Variants in TUNAR observed in about 807,000 individuals in gnomAD.
The protein encoded by TUNAR is transmembrane neural differentiation associated intracellular calcium regulator.
intron 2 of TUNAR, among the ~76,000 whole-genome samples, chr14:95,893,574 C>A (rs113385780): frequency 6.6e-6 from 1 of 152,068 alleles, no homozygotes; most frequent in Non-Finnish European, 1.5e-5. Context: ...GGATCCCCCC[C>A]ACCCCACTCC....
At chr14:95,924,050 A>G (rs1243325885) in exon 3 of TUNAR, 3 of 152,226 alleles carry the variant, frequency 2.0e-5, no homozygotes, top group Non-Finnish European at 4.4e-5. Flanking sequence ...TCTTGTGACC[A>G]TTCGTTTATC....
intron 2 of TUNAR, among the ~76,000 whole-genome samples, chr14:95,880,810 G>A (rs1158636173): frequency 6.6e-6 from 1 of 152,162 alleles, no homozygotes; most frequent in Non-Finnish European, 1.5e-5. Flanking sequence ...CAGGCTCCCT[G>A]GTGAAGCTGC....
intron 2 of TUNAR, among the ~76,000 whole-genome samples, chr14:95,907,307 A>G (rs1262424776): frequency 6.6e-6 from 1 of 152,230 alleles, no homozygotes; most frequent in East Asian, 1.9e-4. Context: ...TTCAGGGTAG[A>G]GTCCAAGAAA....
At chr14:95,896,425 G>A (rs886425073) in intron 2 of TUNAR, among the ~76,000 whole-genome samples, 2 of 152,188 alleles carry the variant, frequency 1.3e-5, no homozygotes, top group Non-Finnish European at 2.9e-5. Context: ...TGGCATCAAG[G>A]CTCACTGCAG....
chr14:95,922,739 T>G (rs1889717456), intron 2 of TUNAR, 42 bp from the exon 2 acceptor site: 1 of 398,422 alleles, frequency 2.5e-6, no homozygotes, highest in Non-Finnish European at 4.4e-6. Context: ...GAGGGCATGC[T>G]TATAAATGAT....
chr14:95,909,467 T>TACAA (rs1428579593), intron 2 of TUNAR, among the ~76,000 whole-genome samples: 1 of 152,072 alleles, frequency 6.6e-6, no homozygotes, highest in Admixed American at 6.5e-5. Flanking sequence ...GTATTTTTAG[T>TACAA]AGAGACGGGG....
chr14:95,900,185 G>T (rs1238937449), intron 2 of TUNAR, among the ~76,000 whole-genome samples: 1 of 152,210 alleles, frequency 6.6e-6, no homozygotes, highest in Non-Finnish European at 1.5e-5. Flanking sequence ...GGTGAGAAGG[G>T]TGCAGAGGCA....
chr14:95,918,550 A>G (rs1245143459), intron 2 of TUNAR, among the ~76,000 whole-genome samples: 1 of 152,202 alleles, frequency 6.6e-6, no homozygotes, highest in East Asian at 1.9e-4. Context: ...GAAGTTTCCA[A>G]GTTGATGACT....
intron 2 of TUNAR, among the ~76,000 whole-genome samples, chr14:95,887,374 G>C (rs11628258): frequency 1.3e-5 from 2 of 152,170 alleles, no homozygotes; most frequent in South Asian, 4.1e-4. Context: ...CGGTCAGTCT[G>C]GCTGAGCTTT....
chr14:95,885,083 G>A lies in TUNAR; in HGVS notation c.12+7906G>A, dbSNP rs374605635. ...CTGTGGGGTCTCTCAGATGGGATGC[G>A]TGCTCAGCGCATGGGGCCAGGGCTT... is the stretch of plus-strand genomic sequence containing the variant. On this transcript the variant is annotated intron_variant, in intron 2 of 2. Transcript: ENST00000678517. Among the ~76,000 whole-genome samples the A allele has an allele frequency of 1.2e-4, 18 of 152,224 alleles. No individual in the cohort carries two copies. In the East Asian group the frequency reaches 1.9e-3, roughly 16 times the overall value.
At chr14:95,918,341 C>T (rs1457152365) in intron 2 of TUNAR, among the ~76,000 whole-genome samples, 5 of 152,210 alleles carry the variant, frequency 3.3e-5, no homozygotes, top group Non-Finnish European at 7.3e-5. Context: ...GTTTTCCTTT[C>T]CCATCTCTGT....
intron 2 of TUNAR, among the ~76,000 whole-genome samples, chr14:95,888,119 C>G (rs1889107761): frequency 6.6e-6 from 1 of 152,208 alleles, no homozygotes; most frequent in African/African-American, 2.4e-5. Flanking sequence ...CTCTAATTCC[C>G]TGTGTGATTC....
At chr14:95,891,836 C>T (rs2139657356) in intron 2 of TUNAR, among the ~76,000 whole-genome samples, 1 of 152,272 alleles carries the variant, frequency 6.6e-6, no homozygotes, top group Non-Finnish European at 1.5e-5. Flanking sequence ...TCGGAAGGCT[C>T]CAGGGCAGGA....
chr14:95,889,461 T>G, intron 2 of TUNAR, among the ~76,000 whole-genome samples: 1 of 109,276 alleles, frequency 9.2e-6, no homozygotes, highest in East Asian at 2.9e-4. Context: ...CCCCCTCCTC[T>G]CCCTCCCCCT....
chr14:95,894,298 C>T (rs900713511), intron 2 of TUNAR, among the ~76,000 whole-genome samples: 1 of 152,214 alleles, frequency 6.6e-6, no homozygotes, highest in Non-Finnish European at 1.5e-5. Context: ...TTGATGTTAA[C>T]GAGCTCTCAT....
At chr14:95,896,744 G>A (rs1484994492) in intron 2 of TUNAR, among the ~76,000 whole-genome samples, 1 of 152,224 alleles carries the variant, frequency 6.6e-6, no homozygotes, top group Non-Finnish European at 1.5e-5. Context: ...TTTTCCATTT[G>A]TAAAAAATAA....
Position 95,891,389 on chromosome 14 carries a change from C to T in TUNAR, c.12+14212C>T, listed in dbSNP as rs554424929. On this transcript the variant is annotated intron_variant, in intron 2 of 2. Transcript: ENST00000678517. ...AACCACTGGCTTTTGGAATAATTTTCGCCCTCTCTCCACAAGAGCCCTGCG... is the reference window on the plus strand; with the variant it reads ...AACCACTGGCTTTTGGAATAATTTTTGCCCTCTCTCCACAAGAGCCCTGCG... Among the ~76,000 whole-genome samples, 264 of 152,272 alleles carry T rather than the reference C, an allele frequency of 1.7e-3. 2 individuals are homozygous for T. Among genetic ancestry groups the T allele is most frequent in the African/African-American group, 5.1e-3 (212 of 41,552 alleles).
intron 2 of TUNAR, among the ~76,000 whole-genome samples, chr14:95,883,641 C>T (rs907771469): frequency 1.1e-4 from 17 of 152,278 alleles, no homozygotes; most frequent in Middle Eastern, 3.4e-3. Context: ...CTTGGAGGCA[C>T]GCTGGGGCTG....
At chr14:95,913,639 CT>C (rs1405765967) in intron 2 of TUNAR, among the ~76,000 whole-genome samples, 1 of 152,186 alleles carries the variant, frequency 6.6e-6, no homozygotes, top group African/African-American at 2.4e-5. Context: ...CAAATAGAGG[CT>C]GCAGAAAGTG....
Sources: gnomAD v4.1 joint callset for allele counts (sites outside exome capture counted in the v4.1 genomes callset) on GRCh38, gnomAD v4.1.1 for gene constraint, MANE v1.5 for transcripts, NCBI Gene and HGNC (gene_info 2026-07-23, HGNC 2026-07-21) for gene names.